The following NSUN4 variants were observed in gnomAD, a reference collection of about 807,000 sequenced individuals.
The protein encoded by NSUN4 is 5-cytosine rRNA methyltransferase NSUN4.
NSUN4 carries 31 observed loss-of-function variants against 43.8 expected under a neutral mutation model. That is an observed-to-expected ratio of 0.71 (90% CI 0.53 to 0.96). The LOEUF (loss-of-function observed/expected upper bound fraction) is 0.96, where lower values mean the gene tolerates loss of function less well. NSUN4 is among the 40% of genes least tolerant of loss of function. The pLI, the probability that NSUN4 is intolerant of heterozygous loss-of-function variation, is 0.00. For synonymous variants in NSUN4, 167 were observed against 184.1 expected (o/e 0.91, Z 0.75); for missense variants, 439 against 475.6 (o/e 0.92, Z 0.72).
Position 46,363,379 on chromosome 1 carries a change from C to A in NSUN4, c.*1533C>A, listed in dbSNP as rs978860181. ...CTTAGTATTCGCTGAGGCTAAGAGG[C>A]CTCAGGTGCCTGGGCTTCTGCCCTT... On this transcript the variant is annotated 3_prime_UTR_variant, in exon 6 of 6. Coordinates refer to ENST00000474844, the MANE Select transcript of NSUN4 (RefSeq NM_199044.4). 4 of 152,214 alleles carry A rather than the reference C, an allele frequency of 2.6e-5. No homozygotes were observed. In the East Asian group the frequency reaches 5.8e-4, roughly 22 times the overall value. The allele number at this position is 152,214 out of a possible 1,614,324, so 9.4% of individuals were successfully genotyped here. A position where few individuals can be genotyped will look rare whatever the true frequency, so the allele number is the denominator to read the frequency against.
downstream of NSUN4, among the ~76,000 whole-genome samples, chr1:46,369,766 T>G (rs572461919): frequency 1.6e-4 from 25 of 152,182 alleles, no homozygotes; most frequent in East Asian, 4.6e-3. Context: ...AACACAAGGC[T>G]GGAGAAGCAG....
intron 4 of NSUN4, among the ~76,000 whole-genome samples, chr1:46,353,796 C>T (rs897131705): frequency 2.2e-4 from 34 of 151,418 alleles, no homozygotes; most frequent in African/African-American, 8.2e-4. Context: ...TTATATTATA[C>T]TCACTATTCT....
intron 1 of NSUN4, chr1:46,341,177 T>G: frequency 8.0e-7 from 1 of 1,252,318 alleles, no homozygotes. Context: ...TTCATTCTTT[T>G]AGTGATGTCA....
chr1:46,344,927 G>C lies in NSUN4; in HGVS notation c.220G>C (p.Gly74Arg). 2 of 1,614,174 alleles carry C rather than the reference G, an allele frequency of 1.2e-6. No individual in the cohort carries two copies. Among genetic ancestry groups the C allele is most frequent in the Non-Finnish European group, 1.7e-6 (2 of 1,180,016 alleles). ...RVSLLSEQKY[G>R]ALVNNFAAWD... ...CAGTCTCCTCTCAGAGCAGAAGTAT[G>C]GTGCACTGGTCAATAACTTTGCTGC... Residue 74 changes from glycine to arginine, a missense_variant, in exon 2 of 6, where the codon GGT (glycine) becomes CGT (arginine). Gly to Arg is a moderately radical substitution (Grantham distance 125, BLOSUM62 -2). Coordinates refer to ENST00000474844, the MANE Select transcript of NSUN4 (RefSeq NM_199044.4).
chr1:46,358,118 C>T (rs561606892), intron 4 of NSUN4, among the ~76,000 whole-genome samples: 39 of 151,750 alleles, frequency 2.6e-4, no homozygotes, highest in Non-Finnish European at 5.3e-4. Flanking sequence ...TATTTTGAGA[C>T]GGAGTCTCGC....
chr1:46,341,308 T>A, intron 1 of NSUN4: 1 of 981,648 alleles, frequency 1.0e-6, no homozygotes, highest in Non-Finnish European at 1.2e-6. Context: ...TCTCCTTTCC[T>A]CATTGATTTT....
intron 3 of NSUN4, among the ~76,000 whole-genome samples, chr1:46,351,087 C>T (rs999245660): frequency 1.3e-5 from 2 of 152,190 alleles, no homozygotes; most frequent in African/African-American, 2.4e-5. Flanking sequence ...AAGGCTTAGC[C>T]GGGTGTGGTG....
chr1:46,383,446 G>GTGTT, the NSUN4 span, among the ~76,000 whole-genome samples: 2 of 137,556 alleles, frequency 1.5e-5, no homozygotes, highest in African/African-American at 5.4e-5. Flanking sequence ...TTGTTGGCTG[G>GTGTT]TGTTTTTTTT....
chr1:46,354,715 C>T (rs6429598), intron 4 of NSUN4, among the ~76,000 whole-genome samples: 8 of 151,126 alleles, frequency 5.3e-5, no homozygotes, highest in Non-Finnish European at 5.9e-5. Flanking sequence ...AGTGCAGTGG[C>T]GCAATCTTGG....
chr1:46,361,556 C>G lies in NSUN4; in HGVS notation c.879-14C>G, dbSNP rs1364250952. On this transcript the variant is annotated splice_polypyrimidine_tract_variant and intron_variant, in intron 5 of 5. Transcript: ENST00000474844. ...AGCTCACTAGTAACTGCTTCTGTCT[C>G]TTTCTGGTTTCAGGGCTGGACTCCT... 1 of 1,611,458 alleles carries G rather than the reference C, an allele frequency of 6.2e-7. No individual in the cohort carries two copies. The highest frequency in any genetic ancestry group is 8.5e-7 in the Non-Finnish European group (1 of 1,178,364).
intron 3 of NSUN4, among the ~76,000 whole-genome samples, chr1:46,348,794 A>G (rs1210299800): frequency 7.0e-6 from 1 of 142,080 alleles, no homozygotes; most frequent in Non-Finnish European, 1.5e-5. Context: ...AGCCCAGCGA[A>G]GGCCTTGTGC....
At chr1:46,347,208 G>A (rs953394698) in intron 3 of NSUN4, 133 bp downstream of exon 3, 9 of 872,184 alleles carry the variant, frequency 1.0e-5, no homozygotes, top group Non-Finnish European at 1.5e-5. Flanking sequence ...GAAGCCGAGG[G>A]AGGCGGACCA....
chr1:46,379,803 TC>T, the NSUN4 span, among the ~76,000 whole-genome samples: 92 of 152,274 alleles, frequency 6.0e-4, no homozygotes, highest in South Asian at 3.3e-3. Context: ...GGCTGAGTCC[TC>T]CCACAGCAGA....
At chr1:46,376,655 G>A in the NSUN4 span, among the ~76,000 whole-genome samples, 230 of 151,968 alleles carry the variant, frequency 1.5e-3, no homozygotes, top group African/African-American at 5.3e-3. Flanking sequence ...TAGAAAACAC[G>A]TGCATCACAC....
rs760081678 is a variant in NSUN4, at chr1:46,360,746, C to T, written c.796C>T (p.His266Tyr). Residue 266 changes from histidine (H) to tyrosine (Y), a missense_variant, in exon 5 of 6, where the codon CAT (histidine) becomes TAT (tyrosine). Transcript: ENST00000474844. ...VPCTTDRHSL[H>Y]EEENNIFKRS... ...CTGTACCACAGACCGCCACTCCCTT[C>T]ATGAGGAGGAGAACAACATCTTTAA... 34 of 1,613,904 alleles carry T rather than the reference C, an allele frequency of 2.1e-5. No individual in the cohort carries two copies. Among genetic ancestry groups the T allele is most frequent in the Non-Finnish European group, 2.8e-5 (33 of 1,179,902 alleles).
In NSUN4 at chr1:46,344,989, T is replaced by C; in HGVS notation, c.282T>C (p.Ser94=). The C allele has an allele frequency of 6.2e-7, 1 of 1,614,152 alleles. No homozygotes were observed. The highest frequency in any genetic ancestry group is 8.5e-7 in the Non-Finnish European group (1 of 1,180,020). The stretch of plus-strand genomic sequence containing the variant: ...TAAGTGCTAAGCTGGAGCAGCTGAG[T>C]GCCAAGGATTTTGTGAATGAAGCCA... The part of the protein sequence containing the change: ...DHVSAKLEQL[S]AKDFVNEAIS... Residue 94 remains serine, a synonymous_variant, in exon 2 of 6, where the codon AGT becomes AGC. Transcript: ENST00000474844.
rs541763086 is a variant in NSUN4 at position 46,355,194 on chromosome 1, A to T, written c.753+2166A>T. 3.3e-5 allele frequency among the ~76,000 whole-genome samples: 5 copies of T among 152,360 alleles called. No homozygotes were observed. In the South Asian group the frequency reaches 8.3e-4, roughly 25 times the overall value. ...AGTATCCAGGGAAAGCACTTAGTAT[A>T]GTACCTGGCGGTGAAGATTAGGCAA... On this transcript the variant is annotated intron_variant, in intron 4 of 5. Coordinates refer to ENST00000474844, the MANE Select transcript of NSUN4 (RefSeq NM_199044.4).
intron 3 of NSUN4, 40 bp downstream of exon 3, chr1:46,347,115 CCA>C (rs1662569130): frequency 6.3e-7 from 1 of 1,595,944 alleles, no homozygotes; most frequent in Admixed American, 1.7e-5. Flanking sequence ...AGAGAGCTCC[CCA>C]CCTCACCTAG....
At chr1:46,374,318 G>C in the NSUN4 span, among the ~76,000 whole-genome samples, 1 of 134,648 alleles carries the variant, frequency 7.4e-6, no homozygotes, top group African/African-American at 3.0e-5. Context: ...AAAAAATAGA[G>C]ATCTGTTGTG....
Sources: allele counts gnomAD v4.1 joint callset (sites outside exome capture counted in the v4.1 genomes callset), GRCh38; gene constraint gnomAD v4.1.1; transcripts MANE v1.5; gene names NCBI Gene and HGNC (gene_info 2026-07-23, HGNC 2026-07-21).